NLRC5: variants seen among roughly 807,000 people sequenced by gnomAD.
NLRC5 encodes the protein NLR family CARD domain containing 5, also known as protein NLRC5.
NLRC5 carries 114 observed loss-of-function variants against 206.9 expected under a neutral mutation model. The observed-to-expected ratio is 0.55, with a 90% CI of 0.47 to 0.64. NLRC5 has a LOEUF of 0.64. Ranked by LOEUF, NLRC5 falls within the 30% of genes least tolerant of loss-of-function variation. The probability of loss-of-function intolerance (pLI) is 0.00; values close to 1 mark genes in which losing one functional copy is unlikely to be tolerated. For missense variants in NLRC5, 2,008 were observed against 2,305.5 expected (o/e 0.87, Z 2.64); for synonymous variants, 952 against 962.8 (o/e 0.99, Z 0.21).
rs745871226 is a variant in NLRC5, at chr16:57,074,578, C to T, written c.4668-22C>T. 45 of 1,612,200 alleles carry T rather than the reference C, an allele frequency of 2.8e-5. 1 individual carries two copies. The highest frequency in any genetic ancestry group is 3.8e-5 in the Non-Finnish European group (45 of 1,178,456). On this transcript the variant is annotated intron_variant, in intron 38 of 48. Coordinates refer to ENST00000688547, the MANE Select transcript of NLRC5 (RefSeq NM_001384950.1). ...GTGCCCCACCCCCAGATGTCAAGTT[C>T]ACCTGGCCTCCTCTTCTCCAGCCTC...
intron 1 of NLRC5, among the ~76,000 whole-genome samples, chr16:56,997,336 A>C (rs1283628544): frequency 6.6e-6 from 1 of 152,172 alleles, no homozygotes; most frequent in East Asian, 1.9e-4. Flanking sequence ...AACTCAGTAC[A>C]TAACAGCCAA....
At chr16:56,997,322 C>T (rs945416819) in intron 1 of NLRC5, among the ~76,000 whole-genome samples, 4 of 152,214 alleles carry the variant, frequency 2.6e-5, no homozygotes, top group African/African-American at 4.8e-5. Flanking sequence ...CAGCCTATGC[C>T]GGGAACTCAG....
chr16:57,015,521 G>T (rs1172740056), intron 1 of NLRC5, among the ~76,000 whole-genome samples: 2 of 152,020 alleles, frequency 1.3e-5, no homozygotes, highest in Admixed American at 6.5e-5. Context: ...GGAGGCTAAG[G>T]CAAAAGGATC....
intron 24 of NLRC5, among the ~76,000 whole-genome samples, chr16:57,054,428 G>A (rs1339203017): frequency 6.6e-6 from 1 of 152,174 alleles, no homozygotes; most frequent in East Asian, 1.9e-4. Context: ...CAGGTCCCAT[G>A]CCCGGCAGTG....
rs2060145605 is a variant in NLRC5, at chr16:57,016,818, G to A, written c.-127-256G>A. 9.9e-5 allele frequency among the ~76,000 whole-genome samples: 15 copies of A among 152,196 alleles called. 1 individual carries two copies. The South Asian group carries it at 3.1e-3, about 32-fold the overall frequency. ...TAAGGTGCATATCTGAATTGGAGGA[G>A]GAAGAGGGGCATCCTCTGAGCCAGG... is the stretch of plus-strand genomic sequence containing the variant. On this transcript the variant is annotated intron_variant, in intron 1 of 48. Coordinates refer to ENST00000688547, the MANE Select transcript of NLRC5 (RefSeq NM_001384950.1).
intron 38 of NLRC5, among the ~76,000 whole-genome samples, chr16:57,073,741 A>G (rs7201800): frequency 0.054 from 8,267 of 152,232 alleles, 763 homozygotes; most frequent in African/African-American, 0.19. Flanking sequence ...TTACAGGCAC[A>G]TGCCACCAGG....
intron 1 of NLRC5, chr16:56,990,678 C>T (rs932327762): frequency 2.0e-5 from 3 of 152,214 alleles, no homozygotes; most frequent in East Asian, 3.8e-4. Flanking sequence ...TTCCCAGCCT[C>T]TAAAACCCGG....
chr16:57,074,758 A>G, intron 39 of NLRC5, 75 bp downstream of exon 39: 2 of 1,401,248 alleles, frequency 1.4e-6, no homozygotes, highest in South Asian at 1.2e-5. Context: ...CATCCAGGGA[A>G]GCACTGAGGC....
In NLRC5 at chr16:57,038,194, G is replaced by GA. The variant is rs767271621; in HGVS notation, c.2801+919dup. On this transcript the variant is annotated intron_variant, in intron 15 of 48. Coordinates refer to ENST00000688547, the MANE Select transcript of NLRC5 (RefSeq NM_001384950.1). The stretch of plus-strand genomic sequence containing the variant: ...CCAGAGAGAACTCAGTGGAACCATA[G>GA]AAAAAAAAATGATAATATAGGTGCA... 1.2e-4 allele frequency among the ~76,000 whole-genome samples: 18 copies of GA among 151,300 alleles called. No homozygotes were observed. In the East Asian group the frequency reaches 2.1e-3, roughly 18 times the overall value.
In NLRC5 at chr16:57,041,492, C is replaced by T. The variant is rs199475989; in HGVS notation, c.2947C>T (p.His983Tyr). ...GTTTTTGTCCCTGGGCAGGCTGACA[C>T]ATTGTGGCCTCCAAGAAAAGCACCT... ...PLSSRRMRLT[H>Y]CGLQEKHLEQ... Residue 983 changes from histidine (H) to tyrosine (Y), a missense_variant, in exon 18 of 49, where the codon CAT becomes TAT. By Grantham distance (83) the His-to-Tyr change is moderately conservative (BLOSUM62 2). Coordinates refer to ENST00000688547, the MANE Select transcript of NLRC5 (RefSeq NM_001384950.1). 1.2e-6 allele frequency: 2 copies of T among 1,613,992 alleles called. No homozygotes were observed. Among genetic ancestry groups the T allele is most frequent in the African/African-American group, 1.3e-5 (1 of 75,004 alleles).
At chr16:57,042,131 C>G in intron 19 of NLRC5, 66 bp downstream of exon 19, 3 of 1,032,616 alleles carry the variant, frequency 2.9e-6, no homozygotes, top group Non-Finnish European at 2.7e-6. Flanking sequence ...TGTCCCATCC[C>G]CCTCTTTCCT....
chr16:57,044,019 C>T (rs1192619685), intron 20 of NLRC5, among the ~76,000 whole-genome samples: 1 of 151,802 alleles, frequency 6.6e-6, no homozygotes, highest in African/African-American at 2.4e-5. Flanking sequence ...AAACTGGGGG[C>T]CAGGCGCGGT....
At chr16:57,060,767 GA>G (rs1184395278) in intron 30 of NLRC5, among the ~76,000 whole-genome samples, 1 of 152,150 alleles carries the variant, frequency 6.6e-6, no homozygotes, top group African/African-American at 2.4e-5. Flanking sequence ...TGCCTTTTCT[GA>G]GATAAAATTC....
In NLRC5 at chr16:57,034,154, C is replaced by T. The variant is rs778304386; in HGVS notation, c.2544-14C>T. The T allele has an allele frequency of 2.5e-6, 4 of 1,612,222 alleles. No homozygotes were observed. The highest frequency in any genetic ancestry group is 3.3e-5 in the Admixed American group (2 of 59,922). On this transcript the variant is annotated splice_polypyrimidine_tract_variant and intron_variant, in intron 12 of 48. Coordinates refer to ENST00000688547, the MANE Select transcript of NLRC5 (RefSeq NM_001384950.1). The stretch of plus-strand genomic sequence containing the variant: ...GTTTGCCCTGAGCCCTTCTGTCCCC[C>T]ACTCCTACCCAAGGCTGCAGAAGTG...
In NLRC5 at chr16:57,026,640, C is replaced by A; in HGVS notation, c.1697C>A (p.Ala566Glu). 1.9e-6 allele frequency: 3 copies of A among 1,614,188 alleles called. No individual in the cohort carries two copies. Among genetic ancestry groups the A allele is most frequent in the South Asian group, 1.1e-5 (1 of 91,090 alleles). The change falls in exon 6 of 49, where the codon GCG (alanine) becomes GAG (glutamate). Residue 566 changes from alanine (A) to glutamate (E), a missense_variant. By Grantham distance (107) the Ala-to-Glu change is moderately radical (BLOSUM62 -1). Coordinates refer to ENST00000688547, the MANE Select transcript of NLRC5 (RefSeq NM_001384950.1). ...GLSDHLPTFLAGLASCTCRPF... is the reference protein window; with the variant it reads ...GLSDHLPTFLEGLASCTCRPF... ...TCAGACCACCTCCCCACCTTCCTGG[C>A]GGGCCTGGCATCCTGCACCTGCCGC... is the stretch of plus-strand genomic sequence containing the variant.
intron 19 of NLRC5, among the ~76,000 whole-genome samples, chr16:57,042,284 C>T (rs999625612): frequency 6.6e-6 from 1 of 152,224 alleles, no homozygotes; most frequent in South Asian, 2.1e-4. Flanking sequence ...CAAGGTTTCA[C>T]TTCTGGAACC....
Position 57,054,704 on chromosome 16 carries a change from G to A in NLRC5, c.3507-47G>A, listed in dbSNP as rs187026776. ...TTTCCTTACCCTCCAGGCTAGCCAGGTTCCTTGTCCACTCATCTTGCCGGA... is the reference window on the plus strand; with the variant it reads ...TTTCCTTACCCTCCAGGCTAGCCAGATTCCTTGTCCACTCATCTTGCCGGA... On this transcript the variant is annotated intron_variant, in intron 24 of 48. Transcript: ENST00000688547. The A allele has an allele frequency of 1.5e-5, 21 of 1,430,666 alleles. No individual in the cohort carries two copies. The East Asian group carries it at 3.9e-4, about 26-fold the overall frequency. 88.6% of individuals were successfully genotyped at this position (1,430,666 alleles called of 1,614,324 possible).
chr16:57,067,787 G>A lies in NLRC5; in HGVS notation c.4458G>A (p.Leu1486=). The change falls in exon 36 of 49, where the codon CTG becomes CTA. Residue 1486 remains leucine, a synonymous_variant. Transcript: ENST00000688547. ...ACGATGATGCCAGTTCCCTGCTGCT[G>A]CAGAGCCTCCTGCTGTCCCTCTCTG... is the stretch of plus-strand genomic sequence containing the variant. The part of the protein sequence containing the change: ...CEDDDASSLL[L]QSLLLSLSEL... 1.2e-6 allele frequency: 2 copies of A among 1,614,206 alleles called. No individual in the cohort carries two copies. Among genetic ancestry groups the A allele is most frequent in the Non-Finnish European group, 1.7e-6 (2 of 1,180,016 alleles).
intron 1 of NLRC5, chr16:57,013,946 AT>A (rs1424928717): frequency 3.2e-5 from 15 of 469,006 alleles, no homozygotes; most frequent in Non-Finnish European, 5.2e-5. Flanking sequence ...CAGATTCAGA[AT>A]TTCAAATGTC....
Sources: allele counts gnomAD v4.1 joint callset (sites outside exome capture counted in the v4.1 genomes callset), GRCh38; gene constraint gnomAD v4.1.1; transcripts MANE v1.5; gene names NCBI Gene and HGNC (gene_info 2026-07-23, HGNC 2026-07-21).